ENPP3: variants seen among roughly 807,000 people sequenced by gnomAD.
ENPP3 encodes the protein ectonucleotide pyrophosphatase/phosphodiesterase 3, also known as ectonucleotide pyrophosphatase/phosphodiesterase family member 3.
Under a neutral mutation model 117.8 loss-of-function variants are expected in ENPP3, and 104 were observed. That is an observed-to-expected ratio of 0.88 (90% CI 0.75 to 1.04). The LOEUF (loss-of-function observed/expected upper bound fraction) is 1.04. ENPP3 is among the 50% of genes least tolerant of loss of function. ENPP3 has a pLI of 0.00. For synonymous variants in ENPP3, 380 were observed against 349.9 expected, an observed-to-expected ratio of 1.09 and a Z score of -0.96; for missense variants, 1,026 against 1,051.9, an observed-to-expected ratio of 0.98 and a Z score of 0.34.
chr6:131,745,917 A>C (rs1400345998), intron 24 of ENPP3, among the ~76,000 whole-genome samples: 1 of 152,052 alleles, frequency 6.6e-6, no homozygotes, highest in Non-Finnish European at 1.5e-5. Context: ...TCAGGAGTTT[A>C]AGACCACCCT....
chr6:131,661,193 G>T, intron 6 of ENPP3, among the ~76,000 whole-genome samples: 1 of 152,138 alleles, frequency 6.6e-6, no homozygotes, highest in Non-Finnish European at 1.5e-5. Flanking sequence ...GAACATGGGA[G>T]TGCTAATATC....
intron 24 of ENPP3, among the ~76,000 whole-genome samples, chr6:131,742,192 ATGT>A (rs1424207393): frequency 6.6e-6 from 1 of 152,084 alleles, no homozygotes; most frequent in Admixed American, 6.5e-5. Flanking sequence ...CTATCAGGAG[ATGT>A]TGTTGAATTG....
chr6:131,717,329 A>G (rs1779913668), intron 15 of ENPP3, among the ~76,000 whole-genome samples: 1 of 146,048 alleles, frequency 6.8e-6, no homozygotes, highest in South Asian at 2.1e-4. Flanking sequence ...AGTTTGTAAA[A>G]ACAAACAGAA....
At chr6:131,720,251 G>A in intron 16 of ENPP3, 41 bp from the exon 17 acceptor site, 1 of 1,244,670 alleles carries the variant, frequency 8.0e-7, no homozygotes. Flanking sequence ...TTTTGAATTT[G>A]GATGACATCT....
chr6:131,648,087 A>G (rs915899034), intron 2 of ENPP3, among the ~76,000 whole-genome samples: 4 of 151,816 alleles, frequency 2.6e-5, no homozygotes, highest in East Asian at 1.9e-4. Context: ...ACTACGAACA[A>G]CTGTATATCT....
chr6:131,676,850 TA>T, intron 10 of ENPP3, 49 bp downstream of exon 10: 1 of 1,214,926 alleles, frequency 8.2e-7, no homozygotes. Context: ...TATATATGGG[TA>T]AAAAATGAAG....
At chr6:131,673,151 C>A (rs1294990119) in intron 7 of ENPP3, among the ~76,000 whole-genome samples, 1 of 152,020 alleles carries the variant, frequency 6.6e-6, no homozygotes, top group African/African-American at 2.4e-5. Context: ...AGCTATCAGC[C>A]TAATGTCACT....
chr6:131,721,849 A>G (rs1780039994), intron 17 of ENPP3, among the ~76,000 whole-genome samples: 1 of 152,226 alleles, frequency 6.6e-6, no homozygotes, highest in Admixed American at 6.5e-5. Context: ...AACAGAAACC[A>G]TTCATGAAAG....
chr6:131,688,115 G>T (rs1414154798), intron 14 of ENPP3, among the ~76,000 whole-genome samples: 1 of 152,000 alleles, frequency 6.6e-6, no homozygotes, highest in Non-Finnish European at 1.5e-5. Context: ...TATTATATGT[G>T]CTCTGGTGAT....
rs1489190203 is a variant in ENPP3, at chr6:131,652,936, G to T, written c.464+45G>T. 8 of 1,316,644 alleles carry T rather than the reference G, an allele frequency of 6.1e-6. No individual in the cohort carries two copies. In the Admixed American group the frequency reaches 1.2e-4, roughly 20 times the overall value. 81.6% of individuals were successfully genotyped at this position (1,316,644 alleles called of 1,614,324 possible). A position where few individuals can be genotyped will look rare whatever the true frequency, so the allele number is the denominator to read the frequency against. ...GGATTTTTATCCTCCTTTAACAAAG[G>T]TGCACATAAGAATGTAGTTAGTTGA... On this transcript the variant is annotated intron_variant, in intron 5 of 24. Transcript: ENST00000357639.
chr6:131,672,834 T>C (rs1362381245), intron 7 of ENPP3, among the ~76,000 whole-genome samples: 1 of 152,036 alleles, frequency 6.6e-6, no homozygotes, highest in Non-Finnish European at 1.5e-5. Flanking sequence ...AGGCATTTAA[T>C]GAAAATGTGT....
intron 5 of ENPP3, among the ~76,000 whole-genome samples, chr6:131,656,247 T>C (rs1458634444): frequency 6.6e-6 from 1 of 152,168 alleles, no homozygotes. Flanking sequence ...GAGCTCTTAC[T>C]CAAGCTTCAT....
intron 21 of ENPP3, among the ~76,000 whole-genome samples, chr6:131,733,934 C>T (rs185177867): frequency 6.6e-6 from 1 of 152,304 alleles, no homozygotes; most frequent in East Asian, 1.9e-4. Context: ...CAGCAGCTCT[C>T]ATCTGGCCCA....
intron 23 of ENPP3, among the ~76,000 whole-genome samples, chr6:131,739,233 T>C (rs915301907): frequency 6.6e-6 from 1 of 152,318 alleles, no homozygotes; most frequent in Admixed American, 6.5e-5. Context: ...TACATTTCTA[T>C]TTATACCAGC....
intron 15 of ENPP3, among the ~76,000 whole-genome samples, chr6:131,717,286 C>T (rs1179422578): frequency 3.3e-5 from 5 of 151,276 alleles, no homozygotes; most frequent in Non-Finnish European, 5.9e-5. Flanking sequence ...TTTTTAAAGA[C>T]ACTAAATTAC....
intron 20 of ENPP3, among the ~76,000 whole-genome samples, chr6:131,730,732 T>A (rs1230619191): frequency 6.6e-6 from 1 of 152,112 alleles, no homozygotes; most frequent in East Asian, 1.9e-4. Context: ...CTGGCCAACA[T>A]GGCAAAACCC....
intron 9 of ENPP3, 88 bp downstream of exon 9, chr6:131,675,277 C>A: frequency 1.1e-6 from 1 of 915,530 alleles, no homozygotes; most frequent in East Asian, 2.5e-5. Context: ...TTCTATTAAT[C>A]CAGTTGTTTA....
chr6:131,659,152 T>C (rs1368170123), intron 6 of ENPP3, among the ~76,000 whole-genome samples: 2 of 152,210 alleles, frequency 1.3e-5, no homozygotes, highest in Non-Finnish European at 2.9e-5. Flanking sequence ...AAGGTAGTAA[T>C]AAAGAGAAGT....
intron 17 of ENPP3, among the ~76,000 whole-genome samples, chr6:131,721,533 G>A (rs1780031109): frequency 6.7e-6 from 1 of 149,404 alleles, no homozygotes. Context: ...CTATGTTGGT[G>A]AAATATTTGT....
Sources: allele counts gnomAD v4.1 joint callset (sites outside exome capture counted in the v4.1 genomes callset), GRCh38; gene constraint gnomAD v4.1.1; transcripts MANE v1.5; gene names NCBI Gene and HGNC (gene_info 2026-07-23, HGNC 2026-07-21).